Variants in RGS6 observed in about 807,000 individuals in gnomAD.
RGS6 encodes regulator of G-protein signaling 6.
RGS6 carries 30 observed loss-of-function variants against 78.5 expected under a neutral mutation model. That is an observed-to-expected ratio of 0.38 (90% CI 0.29 to 0.52). The LOEUF (loss-of-function observed/expected upper bound fraction) is 0.52. Among genes scored for constraint, RGS6 ranks in the 20% least tolerant of loss-of-function variants. The pLI is 0.85. For synonymous variants in RGS6, 206 were observed against 206.0 expected, an observed-to-expected ratio of 1.00 and a Z score of 0.00; for missense variants, 495 against 609.7, an observed-to-expected ratio of 0.81 and a Z score of 1.98.
chr14:71,913,970 G>T, the RGS6 span, among the ~76,000 whole-genome samples: 1 of 152,196 alleles, frequency 6.6e-6, no homozygotes, highest in South Asian at 2.1e-4. Context: ...AAATCCAGTG[G>T]AACTGTTAGG....
At chr14:72,513,452 C>T (rs528092487) in intron 14 of RGS6, among the ~76,000 whole-genome samples, 92 of 152,276 alleles carry the variant, frequency 6.0e-4, no homozygotes, top group African/African-American at 2.2e-3. Flanking sequence ...GCTGTGAGCT[C>T]TCTGTGGCAG....
chr14:72,592,114 C>G, the RGS6 span, among the ~76,000 whole-genome samples: 6 of 152,312 alleles, frequency 3.9e-5, no homozygotes, highest in African/African-American at 1.4e-4. Context: ...ATCAGTGATT[C>G]CATGGGAACA....
chr14:72,231,843 G>C (rs2049699522), intron 2 of RGS6, among the ~76,000 whole-genome samples: 1 of 152,140 alleles, frequency 6.6e-6, no homozygotes, highest in African/African-American at 2.4e-5. Flanking sequence ...GAGGAGGAGA[G>C]GGGTGGGGGA....
intron 8 of RGS6, among the ~76,000 whole-genome samples, chr14:72,472,476 G>A (rs1370390438): frequency 6.6e-6 from 1 of 152,174 alleles, no homozygotes; most frequent in Non-Finnish European, 1.5e-5. Context: ...GCAAGATGGT[G>A]GTTACATTCC....
chr14:72,088,797 T>G (rs12880758), intron 2 of RGS6, among the ~76,000 whole-genome samples: 29,312 of 152,202 alleles, frequency 0.19, 3,224 homozygotes, highest in South Asian at 0.24. Context: ...ATCATGCCTT[T>G]CTGCCCTTTG....
At chr14:72,312,135 CAG>C (rs1283072562) in intron 2 of RGS6, among the ~76,000 whole-genome samples, 3 of 152,098 alleles carry the variant, frequency 2.0e-5, no homozygotes, top group South Asian at 4.1e-4. Context: ...TCGCTCCCCT[CAG>C]AGTTTCTGCA....
intron 12 of RGS6, among the ~76,000 whole-genome samples, chr14:72,483,262 A>G (rs965074584): frequency 5.9e-5 from 9 of 152,200 alleles, no homozygotes; most frequent in African/African-American, 2.2e-4. Context: ...CAATCACTGC[A>G]GCTATCCCAG....
chr14:72,215,390 T>C (rs1471021974), intron 2 of RGS6, among the ~76,000 whole-genome samples: 1 of 152,220 alleles, frequency 6.6e-6, no homozygotes, highest in East Asian at 1.9e-4. Flanking sequence ...TAGAAATGCT[T>C]GTTGCCCAGT....
At chr14:71,949,037 C>T (rs371067102) in intron 1 of RGS6, among the ~76,000 whole-genome samples, 28 of 152,182 alleles carry the variant, frequency 1.8e-4, no homozygotes, top group African/African-American at 6.3e-4. Flanking sequence ...TAGTATTCTA[C>T]TTTGTGATAT....
At chr14:72,158,910 G>C (rs1030988747) in intron 2 of RGS6, among the ~76,000 whole-genome samples, 2 of 152,154 alleles carry the variant, frequency 1.3e-5, no homozygotes, top group African/African-American at 4.8e-5. Context: ...TTCTTTCTGT[G>C]TGGCATTCAG....
the RGS6 span, among the ~76,000 whole-genome samples, chr14:71,902,075 G>GAA: frequency 1.3e-4 from 19 of 151,376 alleles, no homozygotes; most frequent in Admixed American, 1.1e-3. Context: ...ATTCTGAGGA[G>GAA]AAAAAACCTG....
rs2094473764 is a variant in RGS6, at chr14:72,073,451, A to T, written c.84+108576A>T. Among the ~76,000 whole-genome samples the T allele has an allele frequency of 2.0e-5, 3 of 152,338 alleles. No homozygotes were observed. The South Asian group carries it at 6.2e-4, about 32-fold the overall frequency. ...GTTATACATACATTTAAGAAAGATT[A>T]ATTCAATCATTTACTCAATTATTCG... On this transcript the variant is annotated intron_variant, in intron 2 of 17. Coordinates refer to ENST00000553525, the MANE Select transcript of RGS6 (RefSeq NM_001204424.2).
intron 3 of RGS6, among the ~76,000 whole-genome samples, chr14:72,439,254 C>T (rs2095080494): frequency 1.3e-5 from 2 of 152,194 alleles, no homozygotes; most frequent in Non-Finnish European, 2.9e-5. Context: ...TCTCATTCCC[C>T]ACTTCAGCAC....
chr14:72,315,668 C>T (rs943962476), intron 2 of RGS6, among the ~76,000 whole-genome samples: 4 of 152,098 alleles, frequency 2.6e-5, no homozygotes, highest in East Asian at 1.9e-4. Context: ...ATGTGCCAGG[C>T]GCCAGATTAG....
At position 72,562,752 on chromosome 14, in the gene RGS6, C is replaced by T; in HGVS notation, c.*285C>T. On this transcript the variant is annotated 3_prime_UTR_variant, in exon 18 of 18. Coordinates refer to ENST00000553525, the MANE Select transcript of RGS6 (RefSeq NM_001204424.2). Reference sequence around the variant, plus strand: ...ACTCCACTCGCTAAGAGGCCCTGATCCCAGCTCATTCAGGGGAGAACACGT... The same window carrying T: ...ACTCCACTCGCTAAGAGGCCCTGATTCCAGCTCATTCAGGGGAGAACACGT... The T allele has an allele frequency of 3.3e-6, 5 of 1,535,166 alleles. No individual in the cohort carries two copies. Among genetic ancestry groups the T allele is most frequent in the Non-Finnish European group, 2.6e-6 (3 of 1,145,994 alleles).
At chr14:72,419,487 A>C (rs1052941994) in intron 3 of RGS6, among the ~76,000 whole-genome samples, 1 of 152,222 alleles carries the variant, frequency 6.6e-6, no homozygotes, top group East Asian at 1.9e-4. Flanking sequence ...CAGTGCGGGT[A>C]TACCAGGAAC....
chr14:71,936,047 T>C (rs1310844322), intron 1 of RGS6, among the ~76,000 whole-genome samples: 1 of 141,570 alleles, frequency 7.1e-6, no homozygotes, highest in Non-Finnish European at 1.5e-5. Context: ...TATATGTACA[T>C]ATATATCATA....
chr14:72,101,130 A>G (rs1278160957), intron 2 of RGS6, among the ~76,000 whole-genome samples: 2 of 152,208 alleles, frequency 1.3e-5, no homozygotes, highest in Non-Finnish European at 2.9e-5. Context: ...GTGAGCCGTG[A>G]TTATGCTACT....
intron 4 of RGS6, among the ~76,000 whole-genome samples, chr14:72,456,803 C>G (rs1172165747): frequency 6.6e-6 from 1 of 151,980 alleles, no homozygotes; most frequent in Non-Finnish European, 1.5e-5. Flanking sequence ...ACCGGCCAGA[C>G]ATGGTAGCTC....
Sources: gnomAD v4.1 joint callset for allele counts (sites outside exome capture counted in the v4.1 genomes callset) on GRCh38, gnomAD v4.1.1 for gene constraint, MANE v1.5 for transcripts, NCBI Gene and HGNC (gene_info 2026-07-23, HGNC 2026-07-21) for gene names.